The following PDE1A variants were observed in gnomAD, a reference collection of about 807,000 sequenced individuals.
The protein encoded by PDE1A is dual specificity calcium/calmodulin-dependent 3',5'-cyclic nucleotide phosphodiesterase 1A.
In PDE1A, 35 loss-of-function variants were observed where a neutral mutation model predicts 61.7. That is an observed-to-expected ratio of 0.57 (90% CI 0.43 to 0.75). The LOEUF is 0.75. Ranked by LOEUF, PDE1A falls within the 30% of genes least tolerant of loss-of-function variation. The probability of loss-of-function intolerance (pLI) is 0.00; values close to 1 mark genes in which losing one functional copy is unlikely to be tolerated. For missense variants in PDE1A, 597 were observed against 630.6 expected, an observed-to-expected ratio of 0.95 and a Z score of 0.57; for synonymous variants, 232 against 213.2, an observed-to-expected ratio of 1.09 and a Z score of -0.77.
At chr2:182,547,050 T>C in the PDE1A span, among the ~76,000 whole-genome samples, 2 of 152,200 alleles carry the variant, frequency 1.3e-5, no homozygotes, top group South Asian at 4.1e-4. Context: ...CTTCAGTAGA[T>C]GAACTCACTT....
the PDE1A span, among the ~76,000 whole-genome samples, chr2:182,538,514 CT>C: frequency 1.3e-5 from 2 of 151,338 alleles, no homozygotes; most frequent in African/African-American, 2.4e-5. Flanking sequence ...ATTTTTTTTG[CT>C]TTTTTTTGCT....
At chr2:182,252,388 C>T (rs559458479) in intron 2 of PDE1A, among the ~76,000 whole-genome samples, 1 of 152,290 alleles carries the variant, frequency 6.6e-6, no homozygotes. Flanking sequence ...GCCATGAATT[C>T]ACTCACTGAC....
chr2:182,364,481 A>AAAAAAAC lies in PDE1A; in HGVS notation c.53+62096_53+62097insGTTTTTT, dbSNP rs1559379146. Among the ~76,000 whole-genome samples, 3 of 145,502 alleles carry AAAAAAAC rather than the reference A, an allele frequency of 2.1e-5. No homozygotes were observed. In the East Asian group the frequency reaches 6.0e-4, roughly 29 times the overall value. The stretch of plus-strand genomic sequence containing the variant: ...AACACTTTGGTAAAAAAAAAAAAAA[A>AAAAAAAC]AAAAAAAAAAAAAAAAAACCTTATT... On this transcript the variant is annotated intron_variant, in intron 1 of 13. Coordinates refer to ENST00000351439, the Ensembl canonical transcript of PDE1A.
chr2:182,398,580 A>G (rs189755523), intron 1 of PDE1A, among the ~76,000 whole-genome samples: 3 of 152,100 alleles, frequency 2.0e-5, no homozygotes, highest in Admixed American at 6.5e-5. Flanking sequence ...AGCATCCTCA[A>G]TTGAATTATA....
chr2:182,335,543 G>A (rs1397015746), intron 1 of PDE1A, among the ~76,000 whole-genome samples: 2 of 152,188 alleles, frequency 1.3e-5, no homozygotes, highest in Non-Finnish European at 2.9e-5. Context: ...AATAAATGGT[G>A]TTGGGAAAAC....
chr2:182,335,347 C>T lies in PDE1A; in HGVS notation c.54-70933G>A, dbSNP rs1264447292. Among the ~76,000 whole-genome samples, 16 of 152,232 alleles carry T rather than the reference C, an allele frequency of 1.1e-4. No individual in the cohort carries two copies. In the East Asian group the frequency reaches 1.2e-3, roughly 11 times the overall value. ...AAAAAGAACAAAGCTGGAGGCATCA[C>T]GCTACCTGACTTCAAACTATACTAC... On this transcript the variant is annotated intron_variant, in intron 1 of 13. Coordinates refer to ENST00000351439, the Ensembl canonical transcript of PDE1A.
the PDE1A span, among the ~76,000 whole-genome samples, chr2:182,697,455 A>G: frequency 6.6e-6 from 1 of 152,202 alleles, no homozygotes; most frequent in Non-Finnish European, 1.5e-5. Flanking sequence ...CTCAGTTTCC[A>G]TGAGGACACT....
chr2:182,284,087 G>C (rs1017811682), intron 1 of PDE1A, among the ~76,000 whole-genome samples: 4 of 152,016 alleles, frequency 2.6e-5, no homozygotes, highest in African/African-American at 9.7e-5. Flanking sequence ...CTGGCCTATT[G>C]CAAGAATCAG....
At chr2:182,210,880 C>A (rs1489615624) in intron 7 of PDE1A, among the ~76,000 whole-genome samples, 1 of 145,408 alleles carries the variant, frequency 6.9e-6, no homozygotes, top group Admixed American at 7.1e-5. Context: ...TGACAGAATA[C>A]CTGAGGCTGG....
At chr2:182,181,919 A>G (rs1684797207) in intron 13 of PDE1A, among the ~76,000 whole-genome samples, 1 of 152,182 alleles carries the variant, frequency 6.6e-6, no homozygotes, top group South Asian at 2.1e-4. Flanking sequence ...ATTTTGTGCA[A>G]CACTGTGTCC....
intron 2 of PDE1A, among the ~76,000 whole-genome samples, chr2:182,262,062 T>C (rs1048310389): frequency 2.6e-5 from 4 of 152,186 alleles, no homozygotes; most frequent in Non-Finnish European, 5.9e-5. Flanking sequence ...TCTGTTTACT[T>C]AGAAGAATCA....
chr2:182,298,082 T>G (rs833141), intron 1 of PDE1A, among the ~76,000 whole-genome samples: 136,795 of 152,232 alleles, frequency 0.9, 61,582 homozygotes, highest in African/African-American at 0.94. Context: ...GAATTCCATT[T>G]CTGGCTGTAA....
chr2:182,479,646 T>C (rs1259073584), intron 2 of PDE1A, among the ~76,000 whole-genome samples: 1 of 149,172 alleles, frequency 6.7e-6, no homozygotes, highest in Non-Finnish European at 1.5e-5. Context: ...CTAAAGACTG[T>C]AAAAAAAAAA....
the PDE1A span, among the ~76,000 whole-genome samples, chr2:182,545,932 A>G: frequency 2.6e-5 from 4 of 152,218 alleles, no homozygotes; most frequent in Non-Finnish European, 4.4e-5. Flanking sequence ...AGTGACTTTT[A>G]TCATACAGAG....
At chr2:182,365,890 C>G (rs1056417147) in intron 1 of PDE1A, among the ~76,000 whole-genome samples, 1 of 152,168 alleles carries the variant, frequency 6.6e-6, no homozygotes, top group Non-Finnish European at 1.5e-5. Flanking sequence ...TTGTACCCCA[C>G]AAACATTCAA....
chr2:182,511,689 T>C (rs1407687808), intron 2 of PDE1A, among the ~76,000 whole-genome samples: 1 of 152,184 alleles, frequency 6.6e-6, no homozygotes, highest in Non-Finnish European at 1.5e-5. Context: ...ACAGGGCTAT[T>C]TTCCCCATGA....
the PDE1A span, among the ~76,000 whole-genome samples, chr2:182,554,588 A>G: frequency 1.3e-5 from 2 of 152,130 alleles, no homozygotes; most frequent in African/African-American, 4.8e-5. Context: ...ACTTGTGTGA[A>G]CTTTGGCGAG....
chr2:182,496,526 T>C (rs1245887027), intron 2 of PDE1A, among the ~76,000 whole-genome samples: 1 of 152,236 alleles, frequency 6.6e-6, no homozygotes, highest in Non-Finnish European at 1.5e-5. Context: ...TTTGGAGAGA[T>C]TTGAAAGCTA....
the PDE1A span, among the ~76,000 whole-genome samples, chr2:182,640,741 C>T: frequency 6.6e-5 from 10 of 151,722 alleles, no homozygotes; most frequent in East Asian, 1.9e-4. Context: ...ATATGCAGGC[C>T]GGGTGCAGTG....
Sources: allele counts gnomAD v4.1 joint callset (sites outside exome capture counted in the v4.1 genomes callset), GRCh38; gene constraint gnomAD v4.1.1; transcripts MANE v1.5; gene names NCBI Gene and HGNC (gene_info 2026-07-23, HGNC 2026-07-21).